The following FKBP15 variants were observed in gnomAD, a reference collection of about 807,000 sequenced individuals.
FKBP15 encodes the protein FKBP prolyl isomerase family member 15.
Under a neutral mutation model 158.1 loss-of-function variants are expected in FKBP15, and 106 were observed. That is an observed-to-expected ratio of 0.67 (90% CI 0.57 to 0.79). The LOEUF (loss-of-function observed/expected upper bound fraction) is 0.79, where lower values mean the gene tolerates loss of function less well. Ranked by LOEUF, FKBP15 falls within the 30% of genes least tolerant of loss-of-function variation. The pLI, the probability that FKBP15 is intolerant of heterozygous loss-of-function variation, is 0.00. For synonymous variants in FKBP15, 547 were observed against 548.6 expected, an observed-to-expected ratio of 1.00 and a Z score of 0.04; for missense variants, 1,287 against 1,479.1, an observed-to-expected ratio of 0.87 and a Z score of 2.13.
chr9:113,182,074 TA>T (rs1830408276), intron 19 of FKBP15, among the ~76,000 whole-genome samples: 1 of 152,046 alleles, frequency 6.6e-6, no homozygotes, highest in African/African-American at 2.4e-5. Context: ...AGAAAGTGAG[TA>T]AACTCCACAA....
At chr9:113,216,102 A>AAAAAAAAC (rs398011925) in intron 1 of FKBP15, among the ~76,000 whole-genome samples, 3 of 148,198 alleles carry the variant, frequency 2.0e-5, no homozygotes, top group African/African-American at 2.5e-5. Context: ...AAAAAAAAAA[A>AAAAAAAAC]TCTGCAAGGC....
At chr9:113,176,403 A>T (rs944218625) in intron 21 of FKBP15, 134 bp downstream of exon 21, 22 of 1,034,512 alleles carry the variant, frequency 2.1e-5, no homozygotes, top group African/African-American at 2.1e-4. Context: ...AGCGGGGAAA[A>T]TTTTTTTTTA....
At chr9:113,191,980 G>A (rs1247064770) in intron 11 of FKBP15, among the ~76,000 whole-genome samples, 2 of 151,022 alleles carry the variant, frequency 1.3e-5, no homozygotes, top group South Asian at 2.1e-4. Context: ...AAAAAGAAAG[G>A]TGGTTAATTT....
In FKBP15 at chr9:113,174,513, C is replaced by T. The variant is rs745583940; in HGVS notation, c.2294G>A (p.Arg765His). Residue 765 changes from arginine (R) to histidine (H), a missense_variant, in exon 22 of 28, where the codon CGC becomes CAC. By Grantham distance (29) the Arg-to-His change is conservative (BLOSUM62 0). Coordinates refer to ENST00000238256, the MANE Select transcript of FKBP15 (RefSeq NM_015258.2). ...GTCCAATTCCTCCTGGTATGACTTG[C>T]GAATTTCATCTATCTCCTCCTCGGC... ...SQAEEEIDEI[R>H]KSYQEELDKL... 5.8e-5 allele frequency: 93 copies of T among 1,613,818 alleles called. No homozygotes were observed. Among genetic ancestry groups the T allele is most frequent in the Middle Eastern group, 1.6e-4 (1 of 6,084 alleles).
intron 7 of FKBP15, among the ~76,000 whole-genome samples, chr9:113,199,266 C>G (rs1345197358): frequency 6.6e-6 from 1 of 152,162 alleles, no homozygotes; most frequent in Non-Finnish European, 1.5e-5. Flanking sequence ...TCATTAGCCT[C>G]CATTCACAAA....
At chr9:113,185,549 G>C (rs1830472436) in intron 15 of FKBP15, among the ~76,000 whole-genome samples, 1 of 152,186 alleles carries the variant, frequency 6.6e-6, no homozygotes, top group African/African-American at 2.4e-5. Context: ...TACCAAAGCT[G>C]ATTACTAAAC....
At position 113,162,283 on chromosome 9, in the gene FKBP15, C is replaced by T. The variant is rs1389369077; in HGVS notation, c.*3795G>A. The T allele has an allele frequency of 4.3e-6, 1 of 234,056 alleles. No individual in the cohort carries two copies. The highest frequency in any genetic ancestry group is 8.4e-6 in the Non-Finnish European group (1 of 118,668). 14.5% of individuals were successfully genotyped at this position (234,056 alleles called of 1,614,324 possible). On this transcript the variant is annotated 3_prime_UTR_variant, in exon 28 of 28. Coordinates refer to ENST00000238256, the MANE Select transcript of FKBP15 (RefSeq NM_015258.2). The stretch of plus-strand genomic sequence containing the variant: ...GGGAAGTATTCTCATTCCTGTTTTA[C>T]TGATAAGGAATCTTACGTTCAGAGA...
At chr9:113,197,420 C>G (rs146757690) in intron 8 of FKBP15, among the ~76,000 whole-genome samples, 1 of 152,128 alleles carries the variant, frequency 6.6e-6, no homozygotes, top group Non-Finnish European at 1.5e-5. Flanking sequence ...GTAATCCCAG[C>G]ACTTTGAGAG....
chr9:113,200,096 C>A (rs537182162), intron 6 of FKBP15, 133 bp from the exon 7 acceptor site: 1 of 1,045,526 alleles, frequency 9.6e-7, no homozygotes, highest in Admixed American at 3.0e-5. Context: ...GTAAACCAAA[C>A]GGAAGCCAGT....
At chr9:113,197,176 C>T (rs562158800) in intron 8 of FKBP15, 98 bp from the exon 9 acceptor site, 5 of 1,467,806 alleles carry the variant, frequency 3.4e-6, no homozygotes, top group South Asian at 2.5e-5. Context: ...CACACTTTCA[C>T]GTTTACTCAG....
In FKBP15 at chr9:113,166,066, T is replaced by C. The variant is rs1325333609; in HGVS notation, c.*12A>G. On this transcript the variant is annotated 3_prime_UTR_variant, in exon 28 of 28. Transcript: ENST00000238256. ...GGTTGCAGAGAAACCTTTGCACCAG[T>C]TTCCTGGGTCTTCATCCCAGCCAGT... 6.2e-7 allele frequency: 1 copy of C among 1,612,096 alleles called. No individual in the cohort carries two copies. Among genetic ancestry groups the C allele is most frequent in the South Asian group, 1.1e-5 (1 of 90,434 alleles).
In FKBP15 at chr9:113,200,842, G is replaced by A. The variant is rs539981051; in HGVS notation, c.499-879C>T. 4.4e-3 allele frequency among the ~76,000 whole-genome samples: 673 copies of A among 151,982 alleles called. 5 individuals carry two copies. Among genetic ancestry groups the A allele is most frequent in the Non-Finnish European group, 8.1e-3 (549 of 67,976 alleles). ...GGGCGGATCACAAGGTCAAGAGATC[G>A]AGACCATCCTGGCCAACATGGTGAA... On this transcript the variant is annotated intron_variant, in intron 6 of 27. Transcript: ENST00000238256.
intron 1 of FKBP15, among the ~76,000 whole-genome samples, chr9:113,214,013 G>A (rs1305429480): frequency 6.6e-6 from 1 of 152,044 alleles, no homozygotes; most frequent in Non-Finnish European, 1.5e-5. Context: ...GCTCACTGCA[G>A]CTTTTGCCTC....
At position 113,170,491 on chromosome 9, in the gene FKBP15, G is replaced by A. The variant is rs749272069; in HGVS notation, c.2766+31C>T. The A allele has an allele frequency of 6.1e-6, 9 of 1,486,734 alleles. No homozygotes were observed. In the Admixed American group the frequency reaches 8.4e-5, roughly 14 times the overall value. The allele number at this position is 1,486,734 out of a possible 1,614,324, so 92.1% of individuals were successfully genotyped here. A position where few individuals can be genotyped will look rare whatever the true frequency, so the allele number is the denominator to read the frequency against. On this transcript the variant is annotated intron_variant, in intron 25 of 27. Transcript: ENST00000238256. Reference sequence around the variant, plus strand: ...ACTTAAGCAACAAAATGCCCAATACGATGAAACAAATGACAGCTGGCTGGC... The same window carrying A: ...ACTTAAGCAACAAAATGCCCAATACAATGAAACAAATGACAGCTGGCTGGC...
intron 11 of FKBP15, among the ~76,000 whole-genome samples, chr9:113,190,803 G>A (rs1256810623): frequency 6.6e-6 from 1 of 152,142 alleles, no homozygotes; most frequent in African/African-American, 2.4e-5. Flanking sequence ...AATGGACAAA[G>A]TGGTTTCACA....
intron 6 of FKBP15, among the ~76,000 whole-genome samples, chr9:113,201,645 C>A (rs560976175): frequency 6.6e-6 from 1 of 152,244 alleles, no homozygotes; most frequent in African/African-American, 2.4e-5. Context: ...AGTCTGCAAC[C>A]CAGAAGAGGG....
chr9:113,211,105 A>ACGTATATT (rs1381599829), intron 2 of FKBP15, among the ~76,000 whole-genome samples: 2 of 152,058 alleles, frequency 1.3e-5, no homozygotes, highest in Non-Finnish European at 2.9e-5. Flanking sequence ...TTTCACACAT[A>ACGTATATT]CGTATATTCT....
intron 19 of FKBP15, among the ~76,000 whole-genome samples, chr9:113,179,987 T>A (rs965065775): frequency 2.6e-5 from 4 of 152,166 alleles, no homozygotes; most frequent in Non-Finnish European, 5.9e-5. Context: ...AATGGCCTAA[T>A]GAAAACAAAA....
chr9:113,183,352 T>C (rs1050142937), intron 18 of FKBP15, among the ~76,000 whole-genome samples: 1 of 152,134 alleles, frequency 6.6e-6, no homozygotes, highest in Non-Finnish European at 1.5e-5. Context: ...CCTTAGGTCT[T>C]ATATGGGAAT....
Sources: gnomAD v4.1 joint callset for allele counts (sites outside exome capture counted in the v4.1 genomes callset) on GRCh38, gnomAD v4.1.1 for gene constraint, MANE v1.5 for transcripts, NCBI Gene and HGNC (gene_info 2026-07-23, HGNC 2026-07-21) for gene names.